FBXO46: variants seen among roughly 807,000 people sequenced by gnomAD.
FBXO46 encodes the protein F-box only protein 46.
In FBXO46, 13 loss-of-function variants were observed where a neutral mutation model predicts 30.7. That is an observed-to-expected ratio of 0.42 (90% CI 0.28 to 0.67). The LOEUF (loss-of-function observed/expected upper bound fraction) is 0.67, where lower values mean the gene tolerates loss of function less well. FBXO46 is among the 30% of genes least tolerant of loss of function. The pLI is 0.21. For missense variants in FBXO46, 754 were observed against 871.5 expected, an observed-to-expected ratio of 0.87 and a Z score of 1.70; for synonymous variants, 467 against 385.8, an observed-to-expected ratio of 1.21 and a Z score of -2.47.
chr19:45,714,729 A>T (rs1968064901), intron 1 of FBXO46: 1 of 151,966 alleles, frequency 6.6e-6, no homozygotes, highest in Non-Finnish European at 1.5e-5. Flanking sequence ...CATCTCTACG[A>T]AAAAAGATAC....
rs188961278 is a variant in FBXO46, at chr19:45,724,147, C to G, written c.-79+6702G>C. Among the ~76,000 whole-genome samples the G allele has an allele frequency of 2.7e-4, 41 of 152,180 alleles. 1 individual carries two copies. Among genetic ancestry groups the G allele is most frequent in the Middle Eastern group, 3.4e-3 (1 of 294 alleles). ...ATAACTTGGAAAGCAGACAAATGCT[C>G]TAAGACAAATAAATGAAGGCAACGG... is the stretch of plus-strand genomic sequence containing the variant. On this transcript the variant is annotated intron_variant, in intron 1 of 1. Transcript: ENST00000317683.
At chr19:45,722,086 G>A (rs1341288669) in intron 1 of FBXO46, among the ~76,000 whole-genome samples, 1 of 152,122 alleles carries the variant, frequency 6.6e-6, no homozygotes, top group African/African-American at 2.4e-5. Context: ...CCGTAGTGCT[G>A]GGATTACAGG....
intron 1 of FBXO46, among the ~76,000 whole-genome samples, chr19:45,729,624 T>C (rs999894341): frequency 5.9e-5 from 9 of 152,224 alleles, no homozygotes; most frequent in Admixed American, 5.9e-4. Context: ...AGTCTAGCAA[T>C]TAATGCTGGA....
chr19:45,712,563 G>A lies in FBXO46; in HGVS notation c.933C>T (p.Leu311=). 1.3e-6 allele frequency: 2 copies of A among 1,595,098 alleles called. No homozygotes were observed. Among genetic ancestry groups the A allele is most frequent in the Non-Finnish European group, 1.7e-6 (2 of 1,169,726 alleles). Residue 311 remains leucine, a synonymous_variant, in exon 2 of 2, where the codon CTC becomes CTT. Coordinates refer to ENST00000317683, the MANE Select transcript of FBXO46 (RefSeq NM_001080469.2). This position sits in a 1 kb window ranked among gnomAD's most constrained non-coding sequence, Gnocchi z 8.8. Reference sequence around the variant, plus strand: ...GGAGGGCATCCCGCGAGGGGCTGATGAGCTGGTATAAGTCACATGTGATCT... The same window carrying A: ...GGAGGGCATCCCGCGAGGGGCTGATAAGCTGGTATAAGTCACATGTGATCT... The part of the protein sequence containing the change: ...KDKITCDLYQ[L]ISPSRDALPS...
rs1434727045 is a variant in FBXO46, at chr19:45,710,774, A to G, written c.*910T>C. On this transcript the variant is annotated 3_prime_UTR_variant, in exon 2 of 2. Transcript: ENST00000317683. ...AAAATACCCCAGACCAAAATGCCTG[A>G]AAAATCAAGGTCCTGGTTGACCAAA... The G allele has an allele frequency of 1.3e-5, 2 of 152,636 alleles. No homozygotes were observed. The highest frequency in any genetic ancestry group is 1.5e-5 in the Non-Finnish European group (1 of 68,126). The allele number at this position is 152,636 out of a possible 1,614,324, so 9.5% of individuals were successfully genotyped here.
At chr19:45,731,406 T>G (rs1229527260), upstream of FBXO46, among the ~76,000 whole-genome samples, 1 of 148,818 alleles carries the variant, frequency 6.7e-6, no homozygotes, top group African/African-American at 2.5e-5. Flanking sequence ...AACCTCCGCC[T>G]CCTGGGTTCA....
At position 45,711,756 on chromosome 19, in the gene FBXO46, G is replaced by C. The variant is rs376107599; in HGVS notation, c.1740C>G (p.Leu580=). ...AGGGCAGCACCCAGTTGTTATCGTG[G>C]AGGCCCAGGCGGCAGCCGGGAGTCT... ...DRETPGCRLG[L]HDNNWVLPCN... Residue 580 remains leucine (L), a synonymous_variant, in exon 2 of 2, where the codon CTC becomes CTG. Transcript: ENST00000317683. 6.3e-7 allele frequency: 1 copy of C among 1,581,194 alleles called. No homozygotes were observed. Among genetic ancestry groups the C allele is most frequent in the Non-Finnish European group, 8.6e-7 (1 of 1,167,998 alleles).
intron 1 of FBXO46, among the ~76,000 whole-genome samples, chr19:45,714,209 C>G (rs1030348417): frequency 2.0e-5 from 3 of 152,054 alleles, no homozygotes; most frequent in African/African-American, 7.2e-5. Context: ...AGACAAGGTC[C>G]TTTTTCTATT....
In FBXO46 at chr19:45,724,607, G is replaced by A. The variant is rs184482943; in HGVS notation, c.-79+6242C>T. Among the ~76,000 whole-genome samples, 669 of 152,064 alleles carry A rather than the reference G, an allele frequency of 4.4e-3. 11 individuals carry two copies. The highest frequency in any genetic ancestry group is 0.015 in the African/African-American group (609 of 41,490). On this transcript the variant is annotated intron_variant, in intron 1 of 1. Transcript: ENST00000317683. ...GGATCACTTGAGTCCAGGAGTTTGA[G>A]AGCAGCCTGGGCAATATAGCAAGAC...
rs1384659508 is a variant in FBXO46, at chr19:45,712,833, A to AC, written c.662dup (p.Gly222TrpfsTer14). The AC allele has an allele frequency of 6.2e-7, 1 of 1,612,668 alleles. No individual in the cohort carries two copies. The highest frequency in any genetic ancestry group is 8.5e-7 in the Non-Finnish European group (1 of 1,179,608). ...CCTCGGCTACACGGCTGCAGTCCCC[A>AC]CCACCGGACCGCCGTTCAGATCCCA... On this transcript the variant is annotated frameshift_variant, in exon 2 of 2. Coordinates refer to ENST00000317683, the MANE Select transcript of FBXO46 (RefSeq NM_001080469.2). LOFTEE classifies it high-confidence loss of function. This position sits in a 1 kb window ranked among gnomAD's most constrained non-coding sequence, Gnocchi z 8.8.
chr19:45,713,481 G>A lies in FBXO46; in HGVS notation c.15C>T (p.Ser5=). Residue 5 remains serine, a synonymous_variant, in exon 2 of 2, where the codon AGC becomes AGT. Coordinates refer to ENST00000317683, the MANE Select transcript of FBXO46 (RefSeq NM_001080469.2). The surrounding 1 kb of genome is among the most constrained non-coding windows in gnomAD (Gnocchi z 4.7). The stretch of plus-strand genomic sequence containing the variant: ...GGCACCATAGCTGGAAGGGCAGGAG[G>A]CTCCCACGGTCCATGCTGGGGGATG... MDRG[S]LLPFQLWCPR... is the part of the protein sequence containing the mutation. 1 of 1,571,726 alleles carries A rather than the reference G, an allele frequency of 6.4e-7. No individual in the cohort carries two copies. The highest frequency in any genetic ancestry group is 8.7e-7 in the Non-Finnish European group (1 of 1,154,128).
chr19:45,726,845 C>G (rs950087612), intron 1 of FBXO46, among the ~76,000 whole-genome samples: 1 of 152,100 alleles, frequency 6.6e-6, no homozygotes, highest in Non-Finnish European at 1.5e-5. Context: ...ATAGAAAGAC[C>G]TCACACTTAT....
At chr19:45,717,986 T>G (rs1017715984) in intron 1 of FBXO46, among the ~76,000 whole-genome samples, 1 of 152,126 alleles carries the variant, frequency 6.6e-6, no homozygotes, top group Admixed American at 6.6e-5. Context: ...CCTGCCTCAC[T>G]TAGTACAAAA....
In FBXO46 at chr19:45,713,290, G is replaced by C; in HGVS notation, c.206C>G (p.Pro69Arg). Residue 69 changes from proline to arginine, a missense_variant, in exon 2 of 2, where the codon CCG becomes CGG. By Grantham distance (103) the Pro-to-Arg change is moderately radical (BLOSUM62 -2). Around this residue, in one of 5 missense-constraint regions of FBXO46, gnomAD observed 97 missense variants for 113.0 expected, o/e 0.86. Coordinates refer to ENST00000317683, the MANE Select transcript of FBXO46 (RefSeq NM_001080469.2). This position sits in a 1 kb window ranked among gnomAD's most constrained non-coding sequence, Gnocchi z 4.7. ...ALATEVPASQ[P>R]APLLSAAAAG... ...AGCTGCTGCTGAGAGGAGCGGAGCC[G>C]GCTGGGAGGCAGGGACCTCAGTGGC... 2 of 1,607,960 alleles carry C rather than the reference G, an allele frequency of 1.2e-6. No homozygotes were observed. Among genetic ancestry groups the C allele is most frequent in the Non-Finnish European group, 1.7e-6 (2 of 1,175,722 alleles).
In FBXO46 at chr19:45,727,293, C is replaced by T. The variant is rs143617559; in HGVS notation, c.-79+3556G>A. On this transcript the variant is annotated intron_variant, in intron 1 of 1. Transcript: ENST00000317683. ...AAAAAAAGAGGTCGGAGCAGTGGCT[C>T]ACGCCTGTAATCCCAACACTTAGGG... Among the ~76,000 whole-genome samples the T allele has an allele frequency of 6.2e-3, 938 of 151,702 alleles. 4 individuals carry two copies. Among genetic ancestry groups the T allele is most frequent in the Middle Eastern group, 0.01 (3 of 292 alleles).
Position 45,711,418 on chromosome 19 carries a change from A to C in FBXO46, c.*266T>G. 3.2e-6 allele frequency: 2 copies of C among 633,128 alleles called. No individual in the cohort carries two copies. The highest frequency in any genetic ancestry group is 2.9e-6 in the Non-Finnish European group (1 of 342,530). 39.2% of individuals were successfully genotyped at this position (633,128 alleles called of 1,614,324 possible). ...ATGGCAGGGAGGGGGTTGGGGCTGAATGGAGAAGAAAGTGAGATGCTGATA... is the reference window on the plus strand; with the variant it reads ...ATGGCAGGGAGGGGGTTGGGGCTGACTGGAGAAGAAAGTGAGATGCTGATA... On this transcript the variant is annotated 3_prime_UTR_variant, in exon 2 of 2. Coordinates refer to ENST00000317683, the MANE Select transcript of FBXO46 (RefSeq NM_001080469.2).
rs1374265769 is a variant in FBXO46, at chr19:45,711,563, G to T, written c.*121C>A. On this transcript the variant is annotated 3_prime_UTR_variant, in exon 2 of 2. Transcript: ENST00000317683. ...CCCTGCTGAACCCCAGCTCAGTTCC[G>T]GTGAGGGATCAATGCTGCCTGGAGT... 1.2e-6 allele frequency: 1 copy of T among 808,648 alleles called. No individual in the cohort carries two copies. The highest frequency in any genetic ancestry group is 2.1e-6 in the Non-Finnish European group (1 of 482,682). The allele number at this position is 808,648 out of a possible 1,614,324, so 50.1% of individuals were successfully genotyped here.
Position 45,711,991 on chromosome 19 carries a change from T to A in FBXO46, c.1505A>T (p.His502Leu), listed in dbSNP as rs376057661. Residue 502 changes from histidine (H) to leucine (L), a missense_variant, in exon 2 of 2, where the codon CAC becomes CTC. By Grantham distance (99) the His-to-Leu change is moderately conservative (BLOSUM62 -3). Coordinates refer to ENST00000317683, the MANE Select transcript of FBXO46 (RefSeq NM_001080469.2). ...AAACGCCTCGATGATGCCCTTGAAGTGGTGGCAGGTGCACTTGAGGGCGGC... is the reference window on the plus strand; with the variant it reads ...AAACGCCTCGATGATGCCCTTGAAGAGGTGGCAGGTGCACTTGAGGGCGGC... ...ALAALKCTCH[H>L]FKGIIEAFGV... 1.4e-5 allele frequency: 23 copies of A among 1,612,758 alleles called. No homozygotes were observed. The highest frequency in any genetic ancestry group is 1.9e-5 in the Non-Finnish European group (23 of 1,179,662).
intron 1 of FBXO46, among the ~76,000 whole-genome samples, chr19:45,724,820 A>T (rs754070245): frequency 6.6e-6 from 1 of 151,758 alleles, no homozygotes; most frequent in African/African-American, 2.4e-5. Flanking sequence ...ACGCCTGGCT[A>T]ATTTGTATTT....
Sources: gnomAD v4.1 joint callset for allele counts (sites outside exome capture counted in the v4.1 genomes callset) on GRCh38, gnomAD v4.1.1 for gene constraint, gnomAD v4.1.1 regional missense constraint, Gnocchi (gnomAD v3.1) non-coding constraint, MANE v1.5 for transcripts, NCBI Gene and HGNC (gene_info 2026-07-23, HGNC 2026-07-21) for gene names.